Variants in HIVEP3 observed in about 807,000 individuals in gnomAD.
HIVEP3 encodes the protein transcription factor HIVEP3.
A neutral mutation model predicts 152.8 loss-of-function variants in HIVEP3; 49 were observed. The observed-to-expected ratio is 0.32, with a 90% CI of 0.26 to 0.41. The LOEUF (loss-of-function observed/expected upper bound fraction) is 0.41, where lower values mean the gene tolerates loss of function less well. Ranked by LOEUF, HIVEP3 falls within the 10% of genes least tolerant of loss-of-function variation. The pLI is 1.00. For synonymous variants in HIVEP3, 1,269 were observed against 1,289.0 expected (o/e 0.98, Z 0.33); for missense variants, 2,790 against 3,103.3 (o/e 0.90, Z 2.40).
chr1:41,792,595 C>G (rs1207394441), intron 1 of HIVEP3, among the ~76,000 whole-genome samples: 4 of 152,218 alleles, frequency 2.6e-5, no homozygotes, highest in Non-Finnish European at 5.9e-5. Flanking sequence ...CCCACAGCCA[C>G]AAAAGGCCAA....
chr1:41,716,906 T>C (rs1305055939), intron 1 of HIVEP3, among the ~76,000 whole-genome samples: 1 of 152,250 alleles, frequency 6.6e-6, no homozygotes, highest in African/African-American at 2.4e-5. Flanking sequence ...CCTTCTCCCC[T>C]GGCTGTCTGA....
intron 5 of HIVEP3, among the ~76,000 whole-genome samples, chr1:41,527,180 A>ACAGTG (rs1642988759): frequency 1.8e-5 from 1 of 55,552 alleles, no homozygotes; most frequent in African/African-American, 7.9e-5. Flanking sequence ...CCACACACCC[A>ACAGTG]CTCACCTTCA....
chr1:41,716,000 GA>G (rs1232551363), intron 1 of HIVEP3, among the ~76,000 whole-genome samples: 1 of 152,234 alleles, frequency 6.6e-6, no homozygotes, highest in East Asian at 1.9e-4. Context: ...AGTGGGCAGG[GA>G]AATCTGAAGG....
Position 41,788,911 on chromosome 1 carries a change from T to C in HIVEP3, c.-800-87916A>G, listed in dbSNP as rs992386951. Among the ~76,000 whole-genome samples, 5 of 152,334 alleles carry C rather than the reference T, an allele frequency of 3.3e-5. No homozygotes were observed. The South Asian group carries it at 1.0e-3, about 32-fold the overall frequency. ...CCCTCTGAGGCCAAATCCTACATCCTCTGCCACCCCTGTATCCTTTCTATC... is the reference window on the plus strand; with the variant it reads ...CCCTCTGAGGCCAAATCCTACATCCCCTGCCACCCCTGTATCCTTTCTATC... On this transcript the variant is annotated intron_variant, in intron 1 of 8. Transcript: ENST00000372583.
chr1:41,730,505 G>A (rs984188254), intron 1 of HIVEP3, among the ~76,000 whole-genome samples: 2 of 152,230 alleles, frequency 1.3e-5, no homozygotes, highest in East Asian at 3.8e-4. Flanking sequence ...CTCAGTCCTG[G>A]GGCAGAGCCA....
intron 6 of HIVEP3, among the ~76,000 whole-genome samples, chr1:41,524,495 A>G (rs1399099261): frequency 6.6e-6 from 1 of 152,162 alleles, no homozygotes; most frequent in Non-Finnish European, 1.5e-5. Context: ...CCGGGTGGCC[A>G]CAGGTGCAGG....
intron 1 of HIVEP3, among the ~76,000 whole-genome samples, chr1:41,951,317 C>G (rs970253512): frequency 6.6e-6 from 1 of 152,154 alleles, no homozygotes; most frequent in Non-Finnish European, 1.5e-5. Context: ...AAAGATAGCA[C>G]ACTGTATGAT....
At chr1:41,881,533 A>T (rs1258670508) in intron 1 of HIVEP3, among the ~76,000 whole-genome samples, 3 of 152,202 alleles carry the variant, frequency 2.0e-5, no homozygotes, top group Admixed American at 1.3e-4. Flanking sequence ...TCAGTTCCAA[A>T]TACTCAATTG....
chr1:41,817,100 A>G (rs1200084934), intron 1 of HIVEP3, among the ~76,000 whole-genome samples: 4 of 152,238 alleles, frequency 2.6e-5, no homozygotes, highest in Non-Finnish European at 4.4e-5. Context: ...GCTGGTGCCC[A>G]TCATAGCACT....
At chr1:41,723,704 A>G (rs1046068337) in intron 1 of HIVEP3, among the ~76,000 whole-genome samples, 1 of 152,244 alleles carries the variant, frequency 6.6e-6, no homozygotes, top group African/African-American at 2.4e-5. Flanking sequence ...AGAAAACTAG[A>G]AGAATGAGAT....
intron 2 of HIVEP3, among the ~76,000 whole-genome samples, chr1:41,643,827 G>T (rs936683551): frequency 1.3e-5 from 2 of 149,190 alleles, no homozygotes; most frequent in African/African-American, 5.0e-5. Context: ...CTTCCATGTT[G>T]TTACCTTCCC....
chr1:41,712,495 G>C (rs1275097376), intron 1 of HIVEP3, among the ~76,000 whole-genome samples: 2 of 152,232 alleles, frequency 1.3e-5, no homozygotes, highest in African/African-American at 4.8e-5. Flanking sequence ...AAACAAAGCA[G>C]GGTAAGGGGA....
chr1:41,580,991 T>C lies in HIVEP3; in HGVS notation c.3807A>G (p.Ala1269=). The C allele has an allele frequency of 1.3e-6, 2 of 1,576,666 alleles. No homozygotes were observed. Among genetic ancestry groups the C allele is most frequent in the Non-Finnish European group, 1.7e-6 (2 of 1,160,110 alleles). The stretch of plus-strand genomic sequence containing the variant: ...TGGGGGAGAGGCCAGCACTTCCTGT[T>C]GCCAGTGGGGCCAGGCTGGTTTTGA... The part of the protein sequence containing the change: ...PQIKTSLAPL[A]TGSAGLSPST... The change falls in exon 4 of 9, where the codon GCA becomes GCG. Residue 1269 remains alanine (A), a synonymous_variant. Transcript: ENST00000372583.
intron 1 of HIVEP3, among the ~76,000 whole-genome samples, chr1:41,774,238 C>T (rs567336892): frequency 2.0e-5 from 3 of 152,328 alleles, no homozygotes; most frequent in East Asian, 3.9e-4. Flanking sequence ...GGAAGGCATA[C>T]GGGGCCTTCA....
chr1:41,512,659 G>A (rs1642462024), intron 8 of HIVEP3, among the ~76,000 whole-genome samples, 157 bp downstream of exon 8: 1 of 152,218 alleles, frequency 6.6e-6, no homozygotes. Flanking sequence ...CATGGTGCAT[G>A]GCACAGTAGG....
chr1:41,727,309 C>T (rs1646767036), intron 1 of HIVEP3, among the ~76,000 whole-genome samples: 1 of 152,200 alleles, frequency 6.6e-6, no homozygotes, highest in Non-Finnish European at 1.5e-5. Flanking sequence ...GGCGATCTGA[C>T]AGCCACCTCA....
chr1:41,941,429 T>A (rs1323910291), intron 1 of HIVEP3, among the ~76,000 whole-genome samples: 2 of 152,118 alleles, frequency 1.3e-5, no homozygotes, highest in East Asian at 3.9e-4. Flanking sequence ...AGACACTTCT[T>A]CCATCACACT....
In HIVEP3 at chr1:41,996,928, C is replaced by A. The variant is rs143453778; in HGVS notation, n.119+38879G>T. Among the ~76,000 whole-genome samples, 3 of 152,160 alleles carry A rather than the reference C, an allele frequency of 2.0e-5. No homozygotes were observed. In the South Asian group the frequency reaches 6.2e-4, roughly 32 times the overall value. ...TGAAGGCAGCAGCATAGCACATCTT[C>A]GAATCTCTCTCTGGCCCTGAAACTC... On this transcript the variant is annotated intron_variant and non_coding_transcript_variant, in intron 1 of 3. Transcript: ENST00000489103.
chr1:41,837,589 G>A (rs1643161632), intron 1 of HIVEP3, among the ~76,000 whole-genome samples: 1 of 152,212 alleles, frequency 6.6e-6, no homozygotes, highest in Admixed American at 6.5e-5. Flanking sequence ...GCCTCCCAAA[G>A]TGCTGGGATT....
Sources: allele counts gnomAD v4.1 joint callset (sites outside exome capture counted in the v4.1 genomes callset), GRCh38; gene constraint gnomAD v4.1.1; transcripts MANE v1.5; gene names NCBI Gene and HGNC (gene_info 2026-07-23, HGNC 2026-07-21).